MSRA: variants seen among roughly 807,000 people sequenced by gnomAD.
The protein encoded by MSRA is mitochondrial peptide methionine sulfoxide reductase.
A neutral mutation model predicts 31.3 loss-of-function variants in MSRA; 54 were observed. That is an observed-to-expected ratio of 1.73 (90% confidence interval 1.39 to 2.17). The LOEUF is 2.17. Ranked by LOEUF, MSRA falls within the 30% of genes most tolerant of loss-of-function variation. MSRA has a pLI of 0.00. For missense variants in MSRA, 507 were observed against 300.9 expected, an observed-to-expected ratio of 1.69 and a Z score of -5.07; for synonymous variants, 169 against 116.5, an observed-to-expected ratio of 1.45 and a Z score of -2.90.
chr8:10,200,703 T>C (rs1051923755), intron 1 of MSRA, among the ~76,000 whole-genome samples: 2 of 152,150 alleles, frequency 1.3e-5, no homozygotes, highest in Admixed American at 6.5e-5. Context: ...CATGCTGCTA[T>C]TGGGGGCAAA....
intron 3 of MSRA, among the ~76,000 whole-genome samples, chr8:10,264,930 A>T (rs1360748403): frequency 6.6e-6 from 1 of 152,114 alleles, no homozygotes; most frequent in Non-Finnish European, 1.5e-5. Flanking sequence ...GAGAAGCTTG[A>T]AACCCATCTC....
At chr8:10,253,831 G>T (rs1015939621) in intron 3 of MSRA, among the ~76,000 whole-genome samples, 1 of 152,060 alleles carries the variant, frequency 6.6e-6, no homozygotes, top group East Asian at 1.9e-4. Context: ...AATTTTTAGA[G>T]CCTTAGAATA....
chr8:10,425,239 C>G (rs1809071226), intron 5 of MSRA, among the ~76,000 whole-genome samples: 2 of 152,218 alleles, frequency 1.3e-5, no homozygotes, highest in South Asian at 4.1e-4. Flanking sequence ...TATCCGCCAC[C>G]CGACAGGACC....
intron 5 of MSRA, among the ~76,000 whole-genome samples, chr8:10,332,241 A>G (rs1802744460): frequency 6.6e-6 from 1 of 152,232 alleles, no homozygotes; most frequent in Non-Finnish European, 1.5e-5. Context: ...GTTTTCACCA[A>G]CACTGAAACA....
intron 1 of MSRA, among the ~76,000 whole-genome samples, chr8:10,113,136 C>T (rs555795148): frequency 6.6e-6 from 1 of 151,968 alleles, no homozygotes; most frequent in Non-Finnish European, 1.5e-5. Flanking sequence ...GTGTCTTCCC[C>T]CTGTAGGTGC....
chr8:10,309,746 C>A (rs572916947), intron 4 of MSRA, among the ~76,000 whole-genome samples: 1 of 152,282 alleles, frequency 6.6e-6, no homozygotes, highest in African/African-American at 2.4e-5. Context: ...AGAGAGCCTG[C>A]AAGGACTCTT....
At chr8:10,342,303 T>A (rs1050962446) in intron 5 of MSRA, among the ~76,000 whole-genome samples, 5 of 152,088 alleles carry the variant, frequency 3.3e-5, no homozygotes, top group Non-Finnish European at 7.4e-5. Flanking sequence ...TTTACCAGAT[T>A]AAAAATTAAA....
intron 5 of MSRA, among the ~76,000 whole-genome samples, chr8:10,391,537 G>A (rs1806747231): frequency 6.6e-6 from 1 of 152,186 alleles, no homozygotes; most frequent in East Asian, 1.9e-4. Context: ...ATAACTGTGG[G>A]CATTTTACTA....
At chr8:10,413,644 A>G (rs139079396) in intron 5 of MSRA, among the ~76,000 whole-genome samples, 38 of 137,738 alleles carry the variant, frequency 2.8e-4, no homozygotes, top group African/African-American at 9.9e-4. Flanking sequence ...AAAGAATATC[A>G]GTAAGGAGAG....
intron 5 of MSRA, chr8:10,320,469 A>T (rs139511866): frequency 6.6e-6 from 1 of 152,376 alleles, no homozygotes; most frequent in African/African-American, 2.4e-5. Context: ...CCCTGTCTCA[A>T]TGTAAAAAAA....
At chr8:10,334,560 G>A (rs1283497873) in intron 5 of MSRA, among the ~76,000 whole-genome samples, 2 of 152,160 alleles carry the variant, frequency 1.3e-5, no homozygotes, top group African/African-American at 4.8e-5. Flanking sequence ...CAGCCCGCGT[G>A]GTCCCGAGCT....
At chr8:10,138,567 T>A (rs1802464197) in intron 1 of MSRA, among the ~76,000 whole-genome samples, 1 of 152,254 alleles carries the variant, frequency 6.6e-6, no homozygotes, top group African/African-American at 2.4e-5. Context: ...CATTCTTTTA[T>A]TCAATGTAGT....
intron 1 of MSRA, among the ~76,000 whole-genome samples, chr8:10,187,800 C>T (rs1230742437): frequency 6.6e-6 from 1 of 152,156 alleles, no homozygotes; most frequent in African/African-American, 2.4e-5. Flanking sequence ...ATATTTCTGT[C>T]TTCAGAGGTA....
At chr8:10,400,851 T>C (rs983896964) in intron 5 of MSRA, among the ~76,000 whole-genome samples, 1 of 152,180 alleles carries the variant, frequency 6.6e-6, no homozygotes, top group Non-Finnish European at 1.5e-5. Context: ...GATCCTTACC[T>C]CACACCATAC....
At chr8:10,334,413 T>C (rs1477344622) in intron 5 of MSRA, among the ~76,000 whole-genome samples, 2 of 151,012 alleles carry the variant, frequency 1.3e-5, no homozygotes, top group Non-Finnish European at 3.0e-5. Context: ...TCCGGAGTGA[T>C]AGGATCAGAG....
chr8:10,187,451 A>C (rs1807149122), intron 1 of MSRA, among the ~76,000 whole-genome samples: 1 of 152,158 alleles, frequency 6.6e-6, no homozygotes, highest in Admixed American at 6.5e-5. Flanking sequence ...GTATGTTAGG[A>C]AGCTTACTAG....
chr8:10,173,188 A>C lies in MSRA; in HGVS notation c.143-34645A>C, dbSNP rs12548428. 3.0e-3 allele frequency among the ~76,000 whole-genome samples: 463 copies of C among 152,232 alleles called. 8 individuals are homozygous for C. The highest frequency in any genetic ancestry group is 0.01 in the Admixed American group (154 of 15,306). ...AAATCTTAGTGCTTTTGGTTCGACTATGTGATCTTTAGCTTTACAGTGAGA... is the reference window on the plus strand; with the variant it reads ...AAATCTTAGTGCTTTTGGTTCGACTCTGTGATCTTTAGCTTTACAGTGAGA... On this transcript the variant is annotated intron_variant, in intron 1 of 5. Transcript: ENST00000317173.
intron 1 of MSRA, among the ~76,000 whole-genome samples, chr8:10,130,262 T>G (rs1801802190): frequency 1.3e-5 from 2 of 152,202 alleles, no homozygotes; most frequent in South Asian, 2.1e-4. Flanking sequence ...ACTTTGTGAA[T>G]TAGAGACTGC....
intron 3 of MSRA, among the ~76,000 whole-genome samples, chr8:10,288,393 C>T (rs1800051071): frequency 6.6e-6 from 1 of 152,184 alleles, no homozygotes; most frequent in Non-Finnish European, 1.5e-5. Context: ...ATTGAGAAAT[C>T]ATAATTTATA....
Sources: gnomAD v4.1 joint callset for allele counts (sites outside exome capture counted in the v4.1 genomes callset) on GRCh38, gnomAD v4.1.1 for gene constraint, MANE v1.5 for transcripts, NCBI Gene and HGNC (gene_info 2026-07-23, HGNC 2026-07-21) for gene names.